DOCK3: variants seen among roughly 807,000 people sequenced by gnomAD.
The protein encoded by DOCK3 is dedicator of cytokinesis protein 3.
A neutral mutation model predicts 265.6 loss-of-function variants in DOCK3; 60 were observed. The observed-to-expected ratio is 0.23, with a 90% CI of 0.18 to 0.28. The LOEUF (loss-of-function observed/expected upper bound fraction) is 0.28, where lower values mean the gene tolerates loss of function less well. Among genes scored for constraint, DOCK3 ranks in the 10% least tolerant of loss-of-function variants. The probability of loss-of-function intolerance (pLI) is 1.00; values close to 1 mark genes in which losing one functional copy is unlikely to be tolerated. For synonymous variants in DOCK3, 881 were observed against 938.0 expected (o/e 0.94, Z 1.11); for missense variants, 1,981 against 2,594.3 (o/e 0.76, Z 5.14).
At chr3:50,935,586 A>T (rs1036255000) in intron 5 of DOCK3, among the ~76,000 whole-genome samples, 2 of 152,024 alleles carry the variant, frequency 1.3e-5, no homozygotes, top group Non-Finnish European at 2.9e-5. Flanking sequence ...CTGTGGGAAG[A>T]CTCTGACTTC....
intron 5 of DOCK3, among the ~76,000 whole-genome samples, chr3:51,050,599 G>A (rs1196642140): frequency 1.3e-5 from 2 of 152,160 alleles, no homozygotes; most frequent in Non-Finnish European, 2.9e-5. Flanking sequence ...AAACCAGGAA[G>A]GCCGGTGGTA....
At chr3:50,938,794 A>T (rs2051537612) in intron 5 of DOCK3, among the ~76,000 whole-genome samples, 1 of 151,934 alleles carries the variant, frequency 6.6e-6, no homozygotes, top group African/African-American at 2.4e-5. Flanking sequence ...ATAATAGGAA[A>T]AAAAGCAAGG....
At chr3:51,138,940 A>G (rs902457201) in intron 9 of DOCK3, among the ~76,000 whole-genome samples, 6 of 152,190 alleles carry the variant, frequency 3.9e-5, no homozygotes, top group African/African-American at 1.2e-4. Flanking sequence ...CAAAAAATAT[A>G]TTATGGTTCA....
At chr3:50,947,309 A>G (rs1347865821) in intron 5 of DOCK3, among the ~76,000 whole-genome samples, 1 of 152,142 alleles carries the variant, frequency 6.6e-6, no homozygotes, top group East Asian at 1.9e-4. Flanking sequence ...TTAGTCCCCA[A>G]GAAGACATGG....
chr3:50,867,194 A>G (rs1175893030), intron 3 of DOCK3, among the ~76,000 whole-genome samples: 6 of 152,156 alleles, frequency 3.9e-5, no homozygotes, highest in Non-Finnish European at 7.4e-5. Flanking sequence ...GTTATTGTAA[A>G]GAAAATTACT....
chr3:51,229,666 C>T lies in DOCK3; in HGVS notation c.1917+57C>T, dbSNP rs993481597. 33 of 1,304,510 alleles carry T rather than the reference C, an allele frequency of 2.5e-5. No individual in the cohort carries two copies. The South Asian group carries it at 5.9e-4, about 23-fold the overall frequency. 80.8% of individuals were successfully genotyped at this position (1,304,510 alleles called of 1,614,324 possible). A position where few individuals can be genotyped will look rare whatever the true frequency, so the allele number is the denominator to read the frequency against. The stretch of plus-strand genomic sequence containing the variant: ...ATGAGGAAGAATCTGGGCAGAAGAC[C>T]TTACTTTGTCATGATTTTTGCCAAT... On this transcript the variant is annotated intron_variant, in intron 19 of 52. Transcript: ENST00000266037.
At chr3:51,108,665 T>C (rs1284646009) in intron 9 of DOCK3, among the ~76,000 whole-genome samples, 2 of 152,020 alleles carry the variant, frequency 1.3e-5, no homozygotes, top group Non-Finnish European at 1.5e-5. Context: ...TTGATACCCA[T>C]AGGCTAAAAA....
chr3:50,782,366 C>G (rs900267282), intron 2 of DOCK3, among the ~76,000 whole-genome samples: 1 of 139,208 alleles, frequency 7.2e-6, no homozygotes, highest in Admixed American at 8.3e-5. Flanking sequence ...TCTCGGCTCA[C>G]TGCAAGCTCC....
intron 9 of DOCK3, among the ~76,000 whole-genome samples, chr3:51,120,094 C>T (rs1373601164): frequency 2.0e-5 from 3 of 152,052 alleles, no homozygotes; most frequent in East Asian, 1.9e-4. Flanking sequence ...TCCTCATCTT[C>T]GTAGATTTAT....
At chr3:50,763,898 A>G (rs2040694569) in intron 1 of DOCK3, among the ~76,000 whole-genome samples, 1 of 152,182 alleles carries the variant, frequency 6.6e-6, no homozygotes, top group African/African-American at 2.4e-5. Flanking sequence ...CTATATGTAT[A>G]CAACTCTTAG....
At chr3:50,973,071 T>TTTTTTTTTTTTTTTTC (rs2077297409) in intron 5 of DOCK3, among the ~76,000 whole-genome samples, 2 of 144,898 alleles carry the variant, frequency 1.4e-5, no homozygotes, top group African/African-American at 5.1e-5. Flanking sequence ...TTTTTTTTTT[T>TTTTTTTTTTTTTTTTC]TTGCAGTTCC....
intron 2 of DOCK3, among the ~76,000 whole-genome samples, chr3:50,829,248 C>T (rs566176763): frequency 6.6e-6 from 1 of 152,118 alleles, no homozygotes; most frequent in Admixed American, 6.5e-5. Context: ...TTTCTTTTAG[C>T]ATTTTAAAGG....
intron 5 of DOCK3, among the ~76,000 whole-genome samples, chr3:51,017,092 T>G (rs959693333): frequency 2.7e-5 from 4 of 149,084 alleles, no homozygotes; most frequent in Admixed American, 2.0e-4. Context: ...GATTTCTTCA[T>G]GGTTCAATCT....
At chr3:51,297,645 G>A (rs913433763) in intron 27 of DOCK3, among the ~76,000 whole-genome samples, 3 of 152,026 alleles carry the variant, frequency 2.0e-5, no homozygotes, top group Admixed American at 6.6e-5. Flanking sequence ...CACACTGAGA[G>A]TAGACATAAC....
intron 1 of DOCK3, among the ~76,000 whole-genome samples, chr3:50,678,447 A>AT: frequency 6.6e-6 from 1 of 152,310 alleles, no homozygotes; most frequent in Non-Finnish European, 1.5e-5. Context: ...AACCAAGAAA[A>AT]TGCTTTTCTC....
chr3:51,011,797 G>A (rs2078963295), intron 5 of DOCK3, among the ~76,000 whole-genome samples: 2 of 152,136 alleles, frequency 1.3e-5, no homozygotes, highest in Non-Finnish European at 2.9e-5. Flanking sequence ...TACAGATGGG[G>A]TTTTGGTGTG....
intron 4 of DOCK3, among the ~76,000 whole-genome samples, chr3:50,895,209 T>A (rs2048835379): frequency 6.6e-6 from 1 of 151,716 alleles, no homozygotes. Context: ...CCCCGCTTTT[T>A]TTTTTTTTTT....
intron 2 of DOCK3, among the ~76,000 whole-genome samples, chr3:50,808,728 G>A: frequency 6.6e-6 from 1 of 152,196 alleles, no homozygotes; most frequent in East Asian, 1.9e-4. Context: ...AGGGAAAGGG[G>A]TTCTTTTAAG....
intron 41 of DOCK3, among the ~76,000 whole-genome samples, chr3:51,355,490 G>A (rs1312924390): frequency 6.6e-6 from 1 of 152,186 alleles, no homozygotes; most frequent in African/African-American, 2.4e-5. Flanking sequence ...GATGTGTGGA[G>A]CAGGAGAAGA....
Sources: gnomAD v4.1 joint callset for allele counts (sites outside exome capture counted in the v4.1 genomes callset) on GRCh38, gnomAD v4.1.1 for gene constraint, MANE v1.5 for transcripts, NCBI Gene and HGNC (gene_info 2026-07-23, HGNC 2026-07-21) for gene names.